STRA6: variants seen among roughly 807,000 people sequenced by gnomAD.
The protein encoded by STRA6 is receptor for retinol uptake STRA6.
STRA6 carries 48 observed loss-of-function variants against 83.6 expected under a neutral mutation model. That is an observed-to-expected ratio of 0.57 (90% CI 0.46 to 0.73). The LOEUF (loss-of-function observed/expected upper bound fraction) is 0.73. STRA6 is among the 30% of genes least tolerant of loss of function. STRA6 has a pLI of 0.00. For missense variants in STRA6, 760 were observed against 838.8 expected, an observed-to-expected ratio of 0.91 and a Z score of 1.16; for synonymous variants, 353 against 362.3, an observed-to-expected ratio of 0.97 and a Z score of 0.29.
chr15:74,181,960 C>A (rs988668881), intron 16 of STRA6, among the ~76,000 whole-genome samples: 3 of 152,172 alleles, frequency 2.0e-5, no homozygotes, highest in Non-Finnish European at 4.4e-5. Flanking sequence ...CAGCCCCATG[C>A]CGGGTATGTA....
intron 12 of STRA6, among the ~76,000 whole-genome samples, chr15:74,185,452 C>T (rs1240292401): frequency 6.6e-6 from 1 of 152,232 alleles, no homozygotes; most frequent in Non-Finnish European, 1.5e-5. Flanking sequence ...ATACCGCACG[C>T]CGTTATGCTG....
upstream of STRA6, among the ~76,000 whole-genome samples, chr15:74,204,812 G>A (rs553356792): frequency 6.6e-6 from 1 of 152,276 alleles, no homozygotes; most frequent in East Asian, 1.9e-4. Context: ...GCGCACACCT[G>A]TAATCCCAGC....
intron 2 of STRA6, among the ~76,000 whole-genome samples, chr15:74,200,520 G>A (rs747245147): frequency 1.2e-4 from 18 of 152,202 alleles, no homozygotes; most frequent in Non-Finnish European, 2.9e-5. Context: ...ACTCCAGCCT[G>A]AGAGTGCTGG....
chr15:74,196,004 G>C lies in STRA6; in HGVS notation c.406+4C>G, dbSNP rs747093674. 6.2e-7 allele frequency: 1 copy of C among 1,613,850 alleles called. No homozygotes were observed. The highest frequency in any genetic ancestry group is 1.7e-5 in the Admixed American group (1 of 60,002). On this transcript the variant is annotated splice_donor_region_variant and intron_variant, in intron 5 of 18. Transcript: ENST00000395105. ...AACCCCAGGGCCTGGGGGTCAGTGG[G>C]TACCTTGGCTGGGTGCTGAGGCGAG...
chr15:74,200,527 C>T (rs573013160), intron 2 of STRA6, among the ~76,000 whole-genome samples: 1 of 152,328 alleles, frequency 6.6e-6, no homozygotes, highest in East Asian at 1.9e-4. Context: ...CCTGAGAGTG[C>T]TGGGGCACTG....
chr15:74,196,323 C>A, intron 4 of STRA6, 176 bp from the exon 5 acceptor site: 2 of 1,061,416 alleles, frequency 1.9e-6, no homozygotes, highest in Non-Finnish European at 1.4e-6. Context: ...TCTTATCTAC[C>A]AAGCTCTGGG....
intron 8 of STRA6, among the ~76,000 whole-genome samples, chr15:74,192,239 G>C (rs2073583172): frequency 6.6e-6 from 1 of 152,164 alleles, no homozygotes; most frequent in Non-Finnish European, 1.5e-5. Flanking sequence ...AGATGGGGTG[G>C]TGGAAACCCT....
intron 12 of STRA6, among the ~76,000 whole-genome samples, chr15:74,186,825 C>T (rs1396969597): frequency 6.6e-6 from 1 of 152,164 alleles, no homozygotes; most frequent in Non-Finnish European, 1.5e-5. Context: ...CTGGGCCCCA[C>T]TCTGAGAGTT....
chr15:74,181,051 T>C (rs2072956338), intron 17 of STRA6, 114 bp from the exon 18 acceptor site: 3 of 1,480,784 alleles, frequency 2.0e-6, no homozygotes, highest in Non-Finnish European at 2.8e-6. Flanking sequence ...CATCCAAGCA[T>C]GTCGACACAC....
chr15:74,193,979 C>G, intron 7 of STRA6, 57 bp from the exon 8 acceptor site: 2 of 1,602,270 alleles, frequency 1.2e-6, no homozygotes, highest in African/African-American at 1.3e-5. Context: ...CAGCCAAGAA[C>G]CAGAATCCGT....
At chr15:74,194,691 G>T in intron 7 of STRA6, 1 of 1,080,566 alleles carries the variant, frequency 9.3e-7, no homozygotes, top group Non-Finnish European at 1.2e-6. Flanking sequence ...CCAGTGCCTG[G>T]AAATGTCCCT....
Position 74,180,355 on chromosome 15 carries a change from G to A in STRA6, c.1841-112C>T. On this transcript the variant is annotated intron_variant, in intron 18 of 18. Transcript: ENST00000395105. ...ATCCCAGGCGTGTGCAGGTCGTGAG[G>A]CTTAGGATGTCCCCTGCAGGCAGCA... The A allele has an allele frequency of 2.2e-6, 3 of 1,350,854 alleles. No homozygotes were observed. In the South Asian group the frequency reaches 3.6e-5, roughly 16 times the overall value. 83.7% of individuals were successfully genotyped at this position (1,350,854 alleles called of 1,614,324 possible).
In STRA6 at chr15:74,189,097, G is replaced by T. The variant is rs2073400153; in HGVS notation, c.1090+18C>A. ...TCATTCCCCACTGCAGCCCTCAGGG[G>T]CTCCCTGGAGGCCTCACCTTCCAGA... On this transcript the variant is annotated intron_variant, in intron 12 of 18. Transcript: ENST00000395105. 6.2e-7 allele frequency: 1 copy of T among 1,613,552 alleles called. No homozygotes were observed. Among genetic ancestry groups the T allele is most frequent in the South Asian group, 1.1e-5 (1 of 90,976 alleles).
chr15:74,199,852 C>T (rs2073979059), intron 2 of STRA6, among the ~76,000 whole-genome samples: 1 of 152,214 alleles, frequency 6.6e-6, no homozygotes, highest in Admixed American at 6.5e-5. Flanking sequence ...GGGACAGGCA[C>T]AGCAGGTGCT....
upstream of STRA6, among the ~76,000 whole-genome samples, chr15:74,210,805 T>C (rs571808524): frequency 1.2e-4 from 18 of 152,086 alleles, no homozygotes; most frequent in Non-Finnish European, 7.4e-5. Context: ...GGAAAAAGAG[T>C]GTTGAGCACA....
At chr15:74,183,479 C>T (rs539179452) in intron 14 of STRA6, 16 of 1,142,310 alleles carry the variant, frequency 1.4e-5, no homozygotes, top group Non-Finnish European at 1.7e-5. Context: ...CTCCTGACTT[C>T]GTGATCCACC....
At chr15:74,202,565 T>C in intron 1 of STRA6, 148 bp downstream of exon 1, 2 of 1,474,284 alleles carry the variant, frequency 1.4e-6, no homozygotes, top group Middle Eastern at 3.7e-4. Context: ...GCCCCGGGGC[T>C]CCCGCTGGCG....
chr15:74,210,256 G>A (rs28373720), upstream of STRA6, among the ~76,000 whole-genome samples: 2,022 of 152,302 alleles, frequency 0.013, 39 homozygotes, highest in African/African-American at 0.047. Context: ...TCCCAAGGCC[G>A]TTTGTAATGG....
chr15:74,201,767 C>CA (rs1376460522), intron 2 of STRA6, among the ~76,000 whole-genome samples: 1 of 152,192 alleles, frequency 6.6e-6, no homozygotes, highest in South Asian at 2.1e-4. Context: ...AAATGCTCAC[C>CA]ACAGAGACCA....
Sources: allele counts gnomAD v4.1 joint callset (sites outside exome capture counted in the v4.1 genomes callset), GRCh38; gene constraint gnomAD v4.1.1; transcripts MANE v1.5; gene names NCBI Gene and HGNC (gene_info 2026-07-23, HGNC 2026-07-21).